Variants in ZBTB20 observed in about 807,000 individuals in gnomAD.
ZBTB20 encodes zinc finger and BTB domain containing 20, also known as zinc finger and BTB domain-containing protein 20.
A neutral mutation model predicts 56.9 loss-of-function variants in ZBTB20; 9 were observed. That is an observed-to-expected ratio of 0.16 (90% confidence interval 0.10 to 0.28). The LOEUF (loss-of-function observed/expected upper bound fraction) is 0.28, where lower values mean the gene tolerates loss of function less well. ZBTB20 is among the 10% of genes least tolerant of loss of function. The pLI, the probability that ZBTB20 is intolerant of heterozygous loss-of-function variation, is 1.00. For missense variants in ZBTB20, 655 were observed against 1,003.0 expected, an observed-to-expected ratio of 0.65 and a Z score of 4.69; for synonymous variants, 417 against 420.7, an observed-to-expected ratio of 0.99 and a Z score of 0.11.
intron 10 of ZBTB20, among the ~76,000 whole-genome samples, chr3:114,354,069 T>C (rs1157985907): frequency 6.6e-6 from 1 of 152,246 alleles, no homozygotes; most frequent in Admixed American, 6.5e-5. Flanking sequence ...GCTACTTCTA[T>C]ACCTATCCGT....
intron 10 of ZBTB20, among the ~76,000 whole-genome samples, chr3:114,379,372 A>G (rs1273555587): frequency 6.6e-6 from 1 of 152,230 alleles, no homozygotes; most frequent in Non-Finnish European, 1.5e-5. Flanking sequence ...TTCGACTCCA[A>G]AGTTATTTCA....
chr3:114,766,263 T>C (rs2068778242), intron 5 of ZBTB20, among the ~76,000 whole-genome samples: 1 of 151,870 alleles, frequency 6.6e-6, no homozygotes, highest in Admixed American at 6.6e-5. Flanking sequence ...CTAGCTGGTA[T>C]TGAGAGTGTT....
At chr3:114,509,434 G>A (rs911695834) in intron 6 of ZBTB20, among the ~76,000 whole-genome samples, 4 of 151,380 alleles carry the variant, frequency 2.6e-5, no homozygotes, top group Non-Finnish European at 5.9e-5. Flanking sequence ...TGGTGGTGGT[G>A]GTGGTGGTGG....
chr3:114,724,972 G>C (rs767792719), intron 5 of ZBTB20, among the ~76,000 whole-genome samples: 11 of 151,550 alleles, frequency 7.3e-5, no homozygotes, highest in Admixed American at 6.6e-5. Flanking sequence ...CAAATTTCTG[G>C]GCTCCAATCC....
At chr3:114,897,925 CG>C (rs564001224) in intron 4 of ZBTB20, among the ~76,000 whole-genome samples, 1 of 152,180 alleles carries the variant, frequency 6.6e-6, no homozygotes, top group South Asian at 2.1e-4. Context: ...CCACACAAAA[CG>C]GAACATTAGA....
intron 10 of ZBTB20, among the ~76,000 whole-genome samples, chr3:114,369,401 A>G (rs891750688): frequency 6.6e-6 from 1 of 152,236 alleles, no homozygotes; most frequent in Non-Finnish European, 1.5e-5. Flanking sequence ...GACATCAACT[A>G]TAAATTCATT....
At chr3:114,753,330 T>C (rs1434865099) in intron 5 of ZBTB20, among the ~76,000 whole-genome samples, 6 of 107,958 alleles carry the variant, frequency 5.6e-5, no homozygotes, top group East Asian at 2.9e-4. Flanking sequence ...TATACCTGTA[T>C]ATATAATGTA....
At chr3:115,138,725 G>GA (rs1389703483) in intron 1 of ZBTB20, among the ~76,000 whole-genome samples, 25 of 152,062 alleles carry the variant, frequency 1.6e-4, no homozygotes, top group Admixed American at 1.3e-3. Flanking sequence ...GGAATTAACT[G>GA]AAAAAATGCA....
rs888739197 is a variant in ZBTB20 at position 114,317,309 on chromosome 3, A to C, written c.*21696T>G. Reference sequence around the variant, plus strand: ...GTGTCAAATACAGTCTCTGAAAGGAACTCGAGGCCCTTCAGCACCAGAGAT... The same window carrying C: ...GTGTCAAATACAGTCTCTGAAAGGACCTCGAGGCCCTTCAGCACCAGAGAT... On this transcript the variant is annotated 3_prime_UTR_variant, in exon 12 of 12. Coordinates refer to ENST00000675478, the MANE Select transcript of ZBTB20 (RefSeq NM_001348800.3). The C allele has an allele frequency of 6.6e-6, 1 of 152,056 alleles. No homozygotes were observed. The highest frequency in any genetic ancestry group is 1.5e-5 in the Non-Finnish European group (1 of 68,012). The allele number at this position is 152,056 out of a possible 1,614,324, so 9.4% of individuals were successfully genotyped here.
chr3:114,477,683 C>T (rs879458752), intron 7 of ZBTB20, among the ~76,000 whole-genome samples: 14 of 151,552 alleles, frequency 9.2e-5, no homozygotes, highest in African/African-American at 2.7e-4. Context: ...TTAGTAGAGA[C>T]GGGGTTTTTC....
At chr3:114,990,176 G>C (rs1044120685) in intron 2 of ZBTB20, among the ~76,000 whole-genome samples, 9 of 152,110 alleles carry the variant, frequency 5.9e-5, no homozygotes, top group African/African-American at 1.7e-4. Flanking sequence ...TCCCTGTCTT[G>C]TGCCCGTTTT....
intron 7 of ZBTB20, among the ~76,000 whole-genome samples, chr3:114,422,731 G>A (rs1444430603): frequency 6.6e-6 from 1 of 152,056 alleles, no homozygotes; most frequent in Non-Finnish European, 1.5e-5. Context: ...GATTATTTAG[G>A]TAACACTAAG....
chr3:114,357,476 T>C (rs1270633506), intron 10 of ZBTB20, among the ~76,000 whole-genome samples: 1 of 152,236 alleles, frequency 6.6e-6, no homozygotes, highest in Non-Finnish European at 1.5e-5. Flanking sequence ...TAATTGGGTA[T>C]GCCTTTAATA....
At chr3:114,601,344 C>A (rs1433391398) in intron 6 of ZBTB20, among the ~76,000 whole-genome samples, 1 of 152,030 alleles carries the variant, frequency 6.6e-6, no homozygotes, top group Non-Finnish European at 1.5e-5. Flanking sequence ...CTCTCTAGTT[C>A]TAGAACAATT....
At chr3:115,050,188 A>T (rs1180829383) in intron 2 of ZBTB20, among the ~76,000 whole-genome samples, 1 of 152,092 alleles carries the variant, frequency 6.6e-6, no homozygotes. Context: ...TTCGGAAAAC[A>T]TTGAAAAGGT....
At chr3:114,565,518 C>T (rs1245600919) in intron 6 of ZBTB20, among the ~76,000 whole-genome samples, 1 of 152,148 alleles carries the variant, frequency 6.6e-6, no homozygotes, top group Non-Finnish European at 1.5e-5. Flanking sequence ...CTTTTTCTCC[C>T]CCCTTGCAAA....
At chr3:115,062,443 A>G (rs1251615880) in intron 2 of ZBTB20, among the ~76,000 whole-genome samples, 2 of 152,156 alleles carry the variant, frequency 1.3e-5, no homozygotes, top group African/African-American at 2.4e-5. Context: ...AAATTCAAGG[A>G]GAAATATCCC....
intron 7 of ZBTB20, among the ~76,000 whole-genome samples, chr3:114,428,886 T>G (rs1282443776): frequency 2.0e-5 from 3 of 152,214 alleles, no homozygotes; most frequent in Non-Finnish European, 4.4e-5. Flanking sequence ...AAGTTAATTC[T>G]GTAGTTGGCA....
intron 5 of ZBTB20, among the ~76,000 whole-genome samples, chr3:114,702,091 G>A (rs1022694414): frequency 6.6e-6 from 1 of 152,094 alleles, no homozygotes; most frequent in Non-Finnish European, 1.5e-5. Context: ...CATGGGAGTC[G>A]CTTTGGGAGG....
Sources: gnomAD v4.1 joint callset for allele counts (sites outside exome capture counted in the v4.1 genomes callset) on GRCh38, gnomAD v4.1.1 for gene constraint, MANE v1.5 for transcripts, NCBI Gene and HGNC (gene_info 2026-07-23, HGNC 2026-07-21) for gene names.